The following TNN variants were observed in gnomAD, a reference collection of about 807,000 sequenced individuals.
TNN encodes tenascin N.
Under a neutral mutation model 134.4 loss-of-function variants are expected in TNN, and 122 were observed. The observed-to-expected ratio is 0.91, with a 90% CI of 0.78 to 1.06. The LOEUF is 1.06. TNN is among the 50% of genes least tolerant of loss of function. The pLI is 0.00. For synonymous variants in TNN, 710 were observed against 670.3 expected (o/e 1.06, Z -0.91); for missense variants, 1,739 against 1,699.4 (o/e 1.02, Z -0.41).
intron 7 of TNN, among the ~76,000 whole-genome samples, chr1:175,096,804 C>G (rs550269681): frequency 6.6e-6 from 1 of 152,314 alleles, no homozygotes; most frequent in South Asian, 2.1e-4. Flanking sequence ...AATTACACGG[C>G]TTGTCCAAAG....
intron 4 of TNN, among the ~76,000 whole-genome samples, chr1:175,083,283 C>T (rs558258560): frequency 2.0e-5 from 3 of 152,322 alleles, no homozygotes; most frequent in South Asian, 4.1e-4. Flanking sequence ...CCAATGTTGT[C>T]CTTGAGAAAG....
At position 175,144,662 on chromosome 1, in the gene TNN, A is replaced by G. The variant is rs1676022003; in HGVS notation, c.3759+112A>G. ...CCCTCTCCTTCTGAAGCTTCCAGTC[A>G]AAGCAGTAGAGCTTCTCCTCCAGGC... On this transcript the variant is annotated intron_variant, in intron 18 of 18. Coordinates refer to ENST00000239462, the MANE Select transcript of TNN (RefSeq NM_022093.2). The G allele has an allele frequency of 9.3e-6, 11 of 1,181,022 alleles. No individual in the cohort carries two copies. The South Asian group carries it at 1.7e-4, about 19-fold the overall frequency. 73.2% of individuals were successfully genotyped at this position (1,181,022 alleles called of 1,614,324 possible). A position where few individuals can be genotyped will look rare whatever the true frequency, so the allele number is the denominator to read the frequency against.
At chr1:175,145,354 A>C (rs1676036984) in intron 18 of TNN, among the ~76,000 whole-genome samples, 1 of 151,824 alleles carries the variant, frequency 6.6e-6, no homozygotes, top group East Asian at 1.9e-4. Flanking sequence ...GGAATTTGAG[A>C]CCAGCCTGGG....
At chr1:175,142,598 A>G (rs1675966389) in intron 17 of TNN, among the ~76,000 whole-genome samples, 1 of 151,484 alleles carries the variant, frequency 6.6e-6, no homozygotes, top group South Asian at 2.1e-4. Context: ...GCTGGGGCCA[A>G]ATAATTTGCA....
At chr1:175,109,504 T>C (rs1558361353) in intron 9 of TNN, among the ~76,000 whole-genome samples, 1 of 152,132 alleles carries the variant, frequency 6.6e-6, no homozygotes, top group Non-Finnish European at 1.5e-5. Flanking sequence ...TCAATTTTTT[T>C]AGCTCCCACA....
At chr1:175,119,629 C>CTTTTTTTTTTTTT (rs757564360) in intron 11 of TNN, among the ~76,000 whole-genome samples, 1 of 133,498 alleles carries the variant, frequency 7.5e-6, no homozygotes, top group Non-Finnish European at 1.5e-5. Context: ...CCATGAATGC[C>CTTTTTTTTTTTTT]TTTTTTTTCT....
In TNN at chr1:175,127,027, C is replaced by G. The variant is rs773718673; in HGVS notation, c.2987C>G (p.Pro996Arg). 65 of 1,614,178 alleles carry G rather than the reference C, an allele frequency of 4.0e-5. No individual in the cohort carries two copies. In the Admixed American group the frequency reaches 8.3e-4, roughly 21 times the overall value. Reference sequence around the variant, plus strand: ...GGTGGCATATTGACCTGGACGCCCCCCTCTGCTCAGATCCACGGCTACATT... The same window carrying G: ...GGTGGCATATTGACCTGGACGCCCCGCTCTGCTCAGATCCACGGCTACATT... The part of the protein sequence containing the change: ...QSGGILTWTP[P>R]SAQIHGYILT... The change falls in exon 13 of 19, where the codon CCC becomes CGC. Residue 996 changes from proline (P) to arginine (R), a missense_variant. Pro to Arg is a moderately radical substitution (Grantham distance 103, BLOSUM62 -2). Coordinates refer to ENST00000239462, the MANE Select transcript of TNN (RefSeq NM_022093.2).
intron 17 of TNN, among the ~76,000 whole-genome samples, chr1:175,141,713 G>C (rs575830514): frequency 6.6e-6 from 1 of 152,170 alleles, no homozygotes; most frequent in East Asian, 1.9e-4. Context: ...AATCCTAGAG[G>C]GGGAGAGTGG....
At position 175,147,002 on chromosome 1, in the gene TNN, T is replaced by A. The variant is rs781405900; in HGVS notation, c.3831T>A (p.His1277Gln). ...IPYVELKIRP[H>Q]GYSREPVLGR... ...ACGTGGAGTTGAAAATCCGCCCTCA[T>A]GGCTACAGCAGGGAGCCTGTCCTGG... is the stretch of plus-strand genomic sequence containing the variant. The change falls in exon 19 of 19, where the codon CAT (histidine) becomes CAA (glutamine). Residue 1277 changes from histidine to glutamine, a missense_variant. Physicochemically the swap from His to Gln is conservative, Grantham distance 24 (BLOSUM62 0). Transcript: ENST00000239462. 6.2e-7 allele frequency: 1 copy of A among 1,602,374 alleles called. No individual in the cohort carries two copies. The highest frequency in any genetic ancestry group is 1.1e-5 in the South Asian group (1 of 90,370).
chr1:175,096,431 TCCCTA>T (rs904749314), intron 7 of TNN, among the ~76,000 whole-genome samples: 1 of 152,130 alleles, frequency 6.6e-6, no homozygotes, highest in African/African-American at 2.4e-5. Context: ...TGAACTTTGC[TCCCTA>T]GGGTGAGTCA....
In TNN at chr1:175,135,864, C is replaced by G. The variant is rs150878925; in HGVS notation, c.3350C>G (p.Thr1117Ser). Residue 1117 changes from threonine (T) to serine (S), a missense_variant, in exon 16 of 19, where the codon ACT becomes AGT. Physicochemically the swap from Thr to Ser is moderately conservative, Grantham distance 58. Transcript: ENST00000239462. ...GGWIVFQRRNTGQLDFFKRWR... is the reference protein window; with the variant it reads ...GGWIVFQRRNSGQLDFFKRWR... The stretch of plus-strand genomic sequence containing the variant: ...TCTCAGGTCTTCCAGAGGCGGAACA[C>G]TGGGCAGCTGGATTTCTTCAAGCGA... 6.2e-7 allele frequency: 1 copy of G among 1,613,890 alleles called. No homozygotes were observed. The highest frequency in any genetic ancestry group is 8.5e-7 in the Non-Finnish European group (1 of 1,179,864).
Position 175,083,775 on chromosome 1 carries a change from G to T in TNN, c.1074G>T (p.Trp358Cys). ...ACCTTGCTGTGCTTGGCACTGCCTG[G>T]GTGACAGATGAGACTGAGAACTCCC... is the stretch of plus-strand genomic sequence containing the variant. Reference protein sequence around the residue: ...TTDLAVLGTAWVTDETENSLD... With the variant: ...TTDLAVLGTACVTDETENSLD... Residue 358 changes from tryptophan to cysteine, a missense_variant, in exon 5 of 19, where the codon TGG becomes TGT. Coordinates refer to ENST00000239462, the MANE Select transcript of TNN (RefSeq NM_022093.2). 6.2e-7 allele frequency: 1 copy of T among 1,614,142 alleles called. No individual in the cohort carries two copies. Among genetic ancestry groups the T allele is most frequent in the South Asian group, 1.1e-5 (1 of 91,076 alleles).
intron 12 of TNN, 101 bp from the exon 13 acceptor site, chr1:175,126,854 T>TG: frequency 7.6e-7 from 1 of 1,314,152 alleles, no homozygotes; most frequent in South Asian, 1.5e-5. Context: ...GGAGGAGAAA[T>TG]GGGAGGGTTT....
At chr1:175,110,406 G>T (rs1674990159) in intron 9 of TNN, among the ~76,000 whole-genome samples, 1 of 152,034 alleles carries the variant, frequency 6.6e-6, no homozygotes, top group African/African-American at 2.4e-5. Context: ...TGCTTTTGTT[G>T]CCTGTGCTTT....
At chr1:175,127,662 T>C (rs1374115099) in intron 13 of TNN, among the ~76,000 whole-genome samples, 3 of 152,230 alleles carry the variant, frequency 2.0e-5, no homozygotes, top group Non-Finnish European at 2.9e-5. Flanking sequence ...TCACCTCCCC[T>C]ATTAATTTCT....
At chr1:175,095,819 C>T (rs553449994) in intron 7 of TNN, among the ~76,000 whole-genome samples, 1 of 152,366 alleles carries the variant, frequency 6.6e-6, no homozygotes, top group African/African-American at 2.4e-5. Flanking sequence ...AGCAATCCAC[C>T]CTCCTCGGCC....
intron 12 of TNN, among the ~76,000 whole-genome samples, chr1:175,125,291 G>A (rs911857343): frequency 6.6e-6 from 1 of 151,960 alleles, no homozygotes; most frequent in Non-Finnish European, 1.5e-5. Flanking sequence ...TTTTTGGGAA[G>A]TTATAAATTA....
chr1:175,118,275 C>A (rs750373619), intron 10 of TNN, among the ~76,000 whole-genome samples: 1 of 152,100 alleles, frequency 6.6e-6, no homozygotes, highest in Non-Finnish European at 1.5e-5. Context: ...AGAGTTGGGG[C>A]TTGATATACC....
intron 17 of TNN, among the ~76,000 whole-genome samples, chr1:175,137,633 G>A (rs892012794): frequency 7.2e-5 from 11 of 152,182 alleles, no homozygotes; most frequent in African/African-American, 2.4e-4. Context: ...CTGAAATGCT[G>A]GAATGATACC....
Sources: gnomAD v4.1 joint callset for allele counts (sites outside exome capture counted in the v4.1 genomes callset) on GRCh38, gnomAD v4.1.1 for gene constraint, MANE v1.5 for transcripts, NCBI Gene and HGNC (gene_info 2026-07-23, HGNC 2026-07-21) for gene names.